Variants in ACADS observed in about 807,000 individuals in gnomAD.
The protein encoded by ACADS is acyl-CoA dehydrogenase short chain.
A neutral mutation model predicts 46.8 loss-of-function variants in ACADS; 28 were observed. That is an observed-to-expected ratio of 0.60 (90% confidence interval 0.44 to 0.82). ACADS has a LOEUF of 0.82. ACADS is among the 40% of genes least tolerant of loss of function. The probability of loss-of-function intolerance (pLI) is 0.00; values close to 1 mark genes in which losing one functional copy is unlikely to be tolerated. For missense variants in ACADS, 528 were observed against 578.0 expected, an observed-to-expected ratio of 0.91 and a Z score of 0.89; for synonymous variants, 236 against 237.7, an observed-to-expected ratio of 0.99 and a Z score of 0.07.
At position 120,728,193 on chromosome 12, in the gene ACADS, C is replaced by T. The variant is rs750060073; in HGVS notation, c.210+1004C>T. On this transcript the variant is annotated intron_variant, in intron 2 of 9. Coordinates refer to ENST00000242592, the MANE Select transcript of ACADS (RefSeq NM_000017.4). This position sits in a 1 kb window ranked among gnomAD's most constrained non-coding sequence, Gnocchi z 4.0. ...AACTCCTGACCTTAGGCGATCTGCC[C>T]GCCTTGGCGTCCCAAAGTGCTGGGA... Among the ~76,000 whole-genome samples, 6 of 152,152 alleles carry T rather than the reference C, an allele frequency of 3.9e-5. No individual in the cohort carries two copies. The highest frequency in any genetic ancestry group is 7.3e-5 in the Non-Finnish European group (5 of 68,038).
At chr12:120,733,512 A>G (rs1373746796) in intron 2 of ACADS, among the ~76,000 whole-genome samples, 1 of 141,006 alleles carries the variant, frequency 7.1e-6, no homozygotes, top group Non-Finnish European at 1.6e-5. Context: ...TCTCACTTGG[A>G]CTTCCCCTTC....
chr12:120,731,348 T>C (rs1883241819), intron 2 of ACADS, among the ~76,000 whole-genome samples: 1 of 152,096 alleles, frequency 6.6e-6, no homozygotes, highest in African/African-American at 2.4e-5. Context: ...ACGCCTGGGC[T>C]CAAGTGATTC....
chr12:120,739,224 G>A (rs1192717687), intron 9 of ACADS, 28 bp downstream of exon 9: 2 of 1,612,958 alleles, frequency 1.2e-6, no homozygotes, highest in Admixed American at 1.7e-5. Context: ...GCTCTGAGGG[G>A]GCCAGCTGCC....
chr12:120,737,704 T>C (rs1883501902), intron 4 of ACADS, 133 bp from the exon 5 acceptor site: 3 of 1,355,478 alleles, frequency 2.2e-6, no homozygotes, highest in Non-Finnish European at 3.1e-6. Flanking sequence ...CACTGAGAGC[T>C]TTGGGACCCT....
chr12:120,738,965 G>A (rs765011205), intron 8 of ACADS, 50 bp downstream of exon 8: 3 of 1,608,204 alleles, frequency 1.9e-6, no homozygotes, highest in Non-Finnish European at 2.6e-6. Context: ...TGGGCCCAGG[G>A]ACGGGGAGAG....
intron 2 of ACADS, among the ~76,000 whole-genome samples, chr12:120,735,898 C>CAAAAT (rs72432001): frequency 0.011 from 1,648 of 149,698 alleles, 33 homozygotes; most frequent in African/African-American, 0.035. Flanking sequence ...TACTCTGTCA[C>CAAAAT]AAAATAAAAT....
Position 120,728,426 on chromosome 12 carries a change from T to G in ACADS, c.210+1237T>G, listed in dbSNP as rs1157674883. Among the ~76,000 whole-genome samples the G allele has an allele frequency of 6.6e-6, 1 of 151,690 alleles. No homozygotes were observed. Among genetic ancestry groups the G allele is most frequent in the Non-Finnish European group, 1.5e-5 (1 of 67,954 alleles). ...ACTCAGTAGTAGATAGTTGTTTAAT[T>G]AATGATTTGTGAAAAGTCAAACCTC... On this transcript the variant is annotated intron_variant, in intron 2 of 9. Transcript: ENST00000242592. This position sits in a 1 kb window ranked among gnomAD's most constrained non-coding sequence, Gnocchi z 4.0.
intron 3 of ACADS, 48 bp from the exon 4 acceptor site, chr12:120,737,308 G>T: frequency 6.3e-7 from 1 of 1,584,386 alleles, no homozygotes. Flanking sequence ...AGGTGGGCAG[G>T]ATGCGCCTGG....
chr12:120,727,100 TTGCTCCAGACA>T lies in ACADS; in HGVS notation c.125_135del (p.Leu42ProfsTer17), dbSNP rs1057516733. On this transcript the variant is annotated frameshift_variant, in exon 2 of 10. Coordinates refer to ENST00000242592, the MANE Select transcript of ACADS (RefSeq NM_000017.4). LOFTEE classifies it high-confidence loss of function. ...GGAACTGCCCGAGACACACCAGATG[TTGCTCCAGACA>T]TGCCGGGACTTTGCCGAGAAGGAGT... is the stretch of plus-strand genomic sequence containing the variant. 17 of 1,614,072 alleles carry T rather than the reference TTGCTCCAGACA, an allele frequency of 1.1e-5. No homozygotes were observed. The highest frequency in any genetic ancestry group is 1.4e-5 in the Non-Finnish European group (17 of 1,180,034).
In ACADS at chr12:120,737,818, C is replaced by T. The variant is rs1050961447; in HGVS notation, c.473-19C>T. 5.6e-6 allele frequency: 9 copies of T among 1,613,720 alleles called. No homozygotes were observed. The highest frequency in any genetic ancestry group is 7.6e-6 in the Non-Finnish European group (9 of 1,179,818). On this transcript the variant is annotated intron_variant, in intron 4 of 9. Coordinates refer to ENST00000242592, the MANE Select transcript of ACADS (RefSeq NM_000017.4). ...GTGTGGGGTGGGGCGTGCGCTGAGC[C>T]CTGGGTCTGTGTGGGCAGGGAACGG... is the stretch of plus-strand genomic sequence containing the variant.
At chr12:120,733,527 G>T (rs1168063918) in intron 2 of ACADS, among the ~76,000 whole-genome samples, 1 of 148,688 alleles carries the variant, frequency 6.7e-6, no homozygotes, top group Non-Finnish European at 1.5e-5. Flanking sequence ...CCCTTCCCTA[G>T]TTGGTTCCTG....
intron 2 of ACADS, among the ~76,000 whole-genome samples, chr12:120,727,397 G>A (rs1211483653): frequency 2.0e-5 from 3 of 152,204 alleles, no homozygotes; most frequent in African/African-American, 4.8e-5. Flanking sequence ...ATATGTGGTG[G>A]ATGGTCAGTT....
At chr12:120,738,937 C>T in intron 8 of ACADS, 22 bp downstream of exon 8, 1 of 1,612,664 alleles carries the variant, frequency 6.2e-7, no homozygotes, top group Non-Finnish European at 8.5e-7. Flanking sequence ...GGTCCCCGAG[C>T]CATGGCCCAG....
At chr12:120,730,782 A>C (rs988419744) in intron 2 of ACADS, among the ~76,000 whole-genome samples, 10 of 103,782 alleles carry the variant, frequency 9.6e-5, no homozygotes, top group African/African-American at 7.1e-4. Flanking sequence ...TTCCGGGGTG[A>C]AAAGGAGGGT....
At chr12:120,729,120 G>A (rs1883177726) in intron 2 of ACADS, among the ~76,000 whole-genome samples, 1 of 152,282 alleles carries the variant, frequency 6.6e-6, no homozygotes, top group South Asian at 2.1e-4. Context: ...AGGCCTCTCT[G>A]TAGAAAATAC....
chr12:120,733,314 T>C (rs932042430), intron 2 of ACADS, among the ~76,000 whole-genome samples: 1 of 151,674 alleles, frequency 6.6e-6, no homozygotes, highest in African/African-American at 2.4e-5. Flanking sequence ...TTGGCCAGGC[T>C]GGTCTCGAAC....
chr12:120,739,565 C>A lies in ACADS; in HGVS notation c.*117C>A. The A allele has an allele frequency of 8.4e-7, 1 of 1,196,284 alleles. No homozygotes were observed. 74.1% of individuals were successfully genotyped at this position (1,196,284 alleles called of 1,614,324 possible). ...GGGCTCCCTGGGGACCCCAGATGGG[C>A]TCAGTGCTGCCACCCAGATCAGATC... On this transcript the variant is annotated 3_prime_UTR_variant, in exon 10 of 10. Coordinates refer to ENST00000242592, the MANE Select transcript of ACADS (RefSeq NM_000017.4).
At chr12:120,726,160 GCCCAGTT>G (rs1412101759) in intron 1 of ACADS, among the ~76,000 whole-genome samples, 1 of 151,290 alleles carries the variant, frequency 6.6e-6, no homozygotes, top group Non-Finnish European at 1.5e-5. Context: ...CCAGCCACCA[GCCCAGTT>G]CCCAGTTCCC....
At position 120,725,908 on chromosome 12, in the gene ACADS, G is replaced by A; in HGVS notation, c.23G>A (p.Arg8Gln). 2 of 1,556,656 alleles carry A rather than the reference G, an allele frequency of 1.3e-6. No individual in the cohort carries two copies. Among genetic ancestry groups the A allele is most frequent in the African/African-American group, 1.4e-5 (1 of 72,176 alleles). The stretch of plus-strand genomic sequence containing the variant: ...CCCATGGCCGCCGCGCTGCTCGCCC[G>A]GGCCTCGGGCCCTGCCCGCAGAGGT... MAAALLA[R>Q]ASGPARRALC... Residue 8 changes from arginine (R) to glutamine (Q), a missense_variant, in exon 1 of 10, where the codon CGG becomes CAG. By Grantham distance (43) the Arg-to-Gln change is conservative. Transcript: ENST00000242592.
Sources: gnomAD v4.1 joint callset for allele counts (sites outside exome capture counted in the v4.1 genomes callset) on GRCh38, gnomAD v4.1.1 for gene constraint, Gnocchi (gnomAD v3.1) non-coding constraint, MANE v1.5 for transcripts, NCBI Gene and HGNC (gene_info 2026-07-23, HGNC 2026-07-21) for gene names.